PLPPR4: variants seen among roughly 807,000 people sequenced by gnomAD.
PLPPR4 encodes the protein phospholipid phosphatase-related protein type 4.
In PLPPR4, 24 loss-of-function variants were observed where a neutral mutation model predicts 56.6. The ratio of observed to expected loss-of-function variants is 0.42; its 90% CI spans 0.31 to 0.60. PLPPR4 has a LOEUF of 0.60. Among genes scored for constraint, PLPPR4 ranks in the 20% least tolerant of loss-of-function variants. PLPPR4 has a pLI of 0.13. For synonymous variants in PLPPR4, 326 were observed against 328.1 expected, an observed-to-expected ratio of 0.99 and a Z score of 0.07; for missense variants, 654 against 885.8, an observed-to-expected ratio of 0.74 and a Z score of 3.32.
chr1:99,305,594 TA>T lies in PLPPR4; in HGVS notation c.823-90del, dbSNP rs1412740634. The stretch of plus-strand genomic sequence containing the variant: ...TAGTCAATGGTGTATAGGAAGCATA[TA>T]CCTATGTATGTACTTCAGTGGGTAC... On this transcript the variant is annotated intron_variant, in intron 6 of 6. Transcript: ENST00000370185. The T allele has an allele frequency of 3.2e-6, 4 of 1,235,644 alleles. No homozygotes were observed. In the African/African-American group the frequency reaches 6.1e-5, roughly 19 times the overall value. The allele number at this position is 1,235,644 out of a possible 1,614,324, so 76.5% of individuals were successfully genotyped here. A position where few individuals can be genotyped will look rare whatever the true frequency, so the allele number is the denominator to read the frequency against.
In PLPPR4 at chr1:99,269,823, C is replaced by T. The variant is rs116177951; in HGVS notation, c.78+5152C>T. ...TGCCTGTTATTCATACGAGAAAACACACAAAGACACATATGTATGCACACA... is the reference window on the plus strand; with the variant it reads ...TGCCTGTTATTCATACGAGAAAACATACAAAGACACATATGTATGCACACA... On this transcript the variant is annotated intron_variant, in intron 1 of 6. Coordinates refer to ENST00000370185, the MANE Select transcript of PLPPR4 (RefSeq NM_014839.5). Among the ~76,000 whole-genome samples the T allele has an allele frequency of 6.5e-3, 985 of 152,226 alleles. 6 individuals carry two copies. Among genetic ancestry groups the T allele is most frequent in the South Asian group, 0.016 (77 of 4,820 alleles).
Position 99,308,287 on chromosome 1 carries a change from C to T in PLPPR4, c.*1277C>T, listed in dbSNP as rs548877487. ...CATGTTGGTAAGTAAAAGTATCTCA[C>T]GGTACAAATTAAGAATGACTTTCTT... On this transcript the variant is annotated 3_prime_UTR_variant, in exon 7 of 7. Coordinates refer to ENST00000370185, the MANE Select transcript of PLPPR4 (RefSeq NM_014839.5). 4 of 152,010 alleles carry T rather than the reference C, an allele frequency of 2.6e-5. No individual in the cohort carries two copies. The highest frequency in any genetic ancestry group is 2.1e-4 in the South Asian group (1 of 4,788). The allele number at this position is 152,010 out of a possible 1,614,324, so 9.4% of individuals were successfully genotyped here.
At chr1:99,285,256 T>C (rs1659435794) in intron 1 of PLPPR4, among the ~76,000 whole-genome samples, 1 of 152,150 alleles carries the variant, frequency 6.6e-6, no homozygotes, top group Non-Finnish European at 1.5e-5. Context: ...CAATAGAAAG[T>C]TTTAGGTTAA....
chr1:99,265,154 C>T (rs1005046517), intron 1 of PLPPR4, among the ~76,000 whole-genome samples: 1 of 144,364 alleles, frequency 6.9e-6, no homozygotes, highest in Non-Finnish European at 1.5e-5. Flanking sequence ...GCCCCCCCCC[C>T]CCAAATCCTT....
At chr1:99,271,174 A>C (rs529202940) in intron 1 of PLPPR4, among the ~76,000 whole-genome samples, 2 of 152,362 alleles carry the variant, frequency 1.3e-5, no homozygotes, top group South Asian at 4.1e-4. Flanking sequence ...GTAATAACAA[A>C]GAATAGTTCA....
chr1:99,275,135 C>A (rs750384212), intron 1 of PLPPR4, among the ~76,000 whole-genome samples: 2 of 152,096 alleles, frequency 1.3e-5, no homozygotes, highest in Non-Finnish European at 2.9e-5. Context: ...ACATGAAGAA[C>A]ATCCAACTGT....
intron 4 of PLPPR4, among the ~76,000 whole-genome samples, chr1:99,300,363 T>C (rs1659854972): frequency 6.6e-6 from 1 of 152,062 alleles, no homozygotes; most frequent in African/African-American, 2.4e-5. Context: ...TATTGTAAAG[T>C]GTACTACATT....
upstream of PLPPR4, chr1:99,264,033 A>G (rs556363971): frequency 4.7e-5 from 8 of 172,024 alleles, no homozygotes; most frequent in Non-Finnish European, 8.5e-5. Context: ...CCAAGATCTC[A>G]TTTCGTGGAG....
At chr1:99,286,686 A>G (rs960681094) in intron 1 of PLPPR4, among the ~76,000 whole-genome samples, 4 of 152,168 alleles carry the variant, frequency 2.6e-5, no homozygotes, top group Non-Finnish European at 5.9e-5. Flanking sequence ...GCAAGCACAA[A>G]GGACCCTGGG....
upstream of PLPPR4, among the ~76,000 whole-genome samples, chr1:99,263,246 G>A (rs1184682131): frequency 1.3e-5 from 2 of 152,142 alleles, 1 homozygote; most frequent in East Asian, 3.9e-4. Flanking sequence ...TCTGGTAAGG[G>A]CAGAGAATTG....
chr1:99,285,877 T>G (rs1659450815), intron 1 of PLPPR4, among the ~76,000 whole-genome samples: 1 of 152,172 alleles, frequency 6.6e-6, no homozygotes, highest in Non-Finnish European at 1.5e-5. Context: ...ATTTTTGGGT[T>G]CTGGAAGGTC....
At chr1:99,275,414 A>C (rs2100787711) in intron 1 of PLPPR4, among the ~76,000 whole-genome samples, 1 of 152,338 alleles carries the variant, frequency 6.6e-6, no homozygotes, top group South Asian at 2.1e-4. Flanking sequence ...CGGTTGGCCC[A>C]GGACATAATT....
Position 99,306,482 on chromosome 1 carries a change from C to T in PLPPR4, c.1620C>T (p.Val540=). 6.2e-7 allele frequency: 1 copy of T among 1,614,202 alleles called. No homozygotes were observed. Among genetic ancestry groups the T allele is most frequent in the Non-Finnish European group, 8.5e-7 (1 of 1,180,032 alleles). Reference sequence around the variant, plus strand: ...TAGCCATGTCCAAGCAGCAGGGTGTCCTCCAAAGCAGCCCCAAGAACACTG... The same window carrying T: ...TAGCCATGTCCAAGCAGCAGGGTGTTCTCCAAAGCAGCCCCAAGAACACTG... The part of the protein sequence containing the change: ...QVIAMSKQQG[V]LQSSPKNTEG... Residue 540 remains valine, a synonymous_variant, in exon 7 of 7, where the codon GTC becomes GTT. Transcript: ENST00000370185. This position sits in a 1 kb window ranked among gnomAD's most constrained non-coding sequence, Gnocchi z 4.0.
chr1:99,281,441 G>A (rs1297506570), intron 1 of PLPPR4, among the ~76,000 whole-genome samples: 1 of 152,160 alleles, frequency 6.6e-6, no homozygotes, highest in Non-Finnish European at 1.5e-5. Context: ...TCAAGTGTTA[G>A]TCTGTGTTTA....
At chr1:99,266,783 T>C (rs1011739994) in intron 1 of PLPPR4, among the ~76,000 whole-genome samples, 14 of 152,226 alleles carry the variant, frequency 9.2e-5, no homozygotes, top group African/African-American at 3.4e-4. Context: ...GATGAACCAC[T>C]AAAGAGCCTC....
At chr1:99,273,774 C>G (rs1659115198) in intron 1 of PLPPR4, among the ~76,000 whole-genome samples, 1 of 152,050 alleles carries the variant, frequency 6.6e-6, no homozygotes, top group Admixed American at 6.6e-5. Context: ...TAAATTTTAA[C>G]TGGATGTAAT....
chr1:99,283,777 G>T (rs535036880), intron 1 of PLPPR4, among the ~76,000 whole-genome samples: 1 of 149,866 alleles, frequency 6.7e-6, no homozygotes. Flanking sequence ...CGGTGAAACC[G>T]CGTCTCTACT....
At position 99,265,386 on chromosome 1, in the gene PLPPR4, A is replaced by G. The variant is rs12140192; in HGVS notation, c.78+715A>G. Reference sequence around the variant, plus strand: ...TGCTGAGCAGTATTATAGATAAACAATTAAATGCAGATGTATCCGTAATGA... The same window carrying G: ...TGCTGAGCAGTATTATAGATAAACAGTTAAATGCAGATGTATCCGTAATGA... On this transcript the variant is annotated intron_variant, in intron 1 of 6. Coordinates refer to ENST00000370185, the MANE Select transcript of PLPPR4 (RefSeq NM_014839.5). 7.4e-3 allele frequency among the ~76,000 whole-genome samples: 1,123 copies of G among 152,330 alleles called. 7 individuals are homozygous for G. The highest frequency in any genetic ancestry group is 0.011 in the Non-Finnish European group (772 of 68,036).
At chr1:99,301,279 C>T (rs1659876791) in intron 5 of PLPPR4, among the ~76,000 whole-genome samples, 1 of 151,600 alleles carries the variant, frequency 6.6e-6, no homozygotes, top group Non-Finnish European at 1.5e-5. Flanking sequence ...ACAATAAGTA[C>T]CCACAAAGAC....
Sources: gnomAD v4.1 joint callset for allele counts (sites outside exome capture counted in the v4.1 genomes callset) on GRCh38, gnomAD v4.1.1 for gene constraint, Gnocchi (gnomAD v3.1) non-coding constraint, MANE v1.5 for transcripts, NCBI Gene and HGNC (gene_info 2026-07-23, HGNC 2026-07-21) for gene names.